The following NSUN3 variants were observed in gnomAD, a reference collection of about 807,000 sequenced individuals.
The protein encoded by NSUN3 is tRNA (cytosine(34)-C(5))-methyltransferase, mitochondrial.
NSUN3 carries 24 observed loss-of-function variants against 36.8 expected under a neutral mutation model. That is an observed-to-expected ratio of 0.65 (90% CI 0.47 to 0.92). NSUN3 has a LOEUF of 0.92. Among genes scored for constraint, NSUN3 ranks in the 40% least tolerant of loss-of-function variants. The pLI, the probability that NSUN3 is intolerant of heterozygous loss-of-function variation, is 0.00. For synonymous variants in NSUN3, 146 were observed against 145.2 expected (o/e 1.01, Z -0.04); for missense variants, 381 against 392.8 (o/e 0.97, Z 0.25).
chr3:94,065,454 TGAG>T (rs1349775513), intron 2 of NSUN3, among the ~76,000 whole-genome samples: 4 of 152,130 alleles, frequency 2.6e-5, no homozygotes, highest in African/African-American at 9.7e-5. Context: ...ACATGTTGCA[TGAG>T]GAAAAAAAGT....
chr3:94,069,421 C>G (rs747770424), intron 2 of NSUN3, among the ~76,000 whole-genome samples: 1 of 152,178 alleles, frequency 6.6e-6, no homozygotes, highest in Non-Finnish European at 1.5e-5. Flanking sequence ...TGAGCACCCT[C>G]TAGTGGATAA....
intron 2 of NSUN3, among the ~76,000 whole-genome samples, chr3:94,072,717 A>C (rs2077228966): frequency 6.6e-6 from 1 of 152,100 alleles, no homozygotes; most frequent in African/African-American, 2.4e-5. Context: ...CGTTTGTTCT[A>C]TTTAGGCCTT....
chr3:94,105,767 G>T (rs769719049), intron 5 of NSUN3, among the ~76,000 whole-genome samples: 1 of 151,582 alleles, frequency 6.6e-6, no homozygotes, highest in Non-Finnish European at 1.5e-5. Flanking sequence ...ACACACACAC[G>T]GTTTGAATAA....
chr3:94,074,566 A>T (rs1329017434), intron 2 of NSUN3, among the ~76,000 whole-genome samples: 1 of 152,092 alleles, frequency 6.6e-6, no homozygotes, highest in African/African-American at 2.4e-5. Flanking sequence ...CTTAGTAGCA[A>T]TTGTGGATGG....
At position 94,126,317 on chromosome 3, in the gene NSUN3, G is replaced by A. The variant is rs773569357; in HGVS notation, c.850G>A (p.Gly284Ser). The part of the protein sequence containing the change: ...DVISEILNSH[G>S]NIMPMDIKGI... ...GATCAGTGAAATTTTAAACTCCCACGGTAACATCATGCCTATGGACATTAA... is the reference window on the plus strand; with the variant it reads ...GATCAGTGAAATTTTAAACTCCCACAGTAACATCATGCCTATGGACATTAA... The change falls in exon 6 of 6, where the codon GGT (glycine) becomes AGT (serine). Residue 284 changes from glycine (G) to serine (S), a missense_variant. Physicochemically the swap from Gly to Ser is moderately conservative, Grantham distance 56. Coordinates refer to ENST00000314622, the MANE Select transcript of NSUN3 (RefSeq NM_022072.5). 37 of 1,613,916 alleles carry A rather than the reference G, an allele frequency of 2.3e-5. No homozygotes were observed. The highest frequency in any genetic ancestry group is 2.7e-5 in the Non-Finnish European group (32 of 1,180,016).
chr3:94,119,926 G>A (rs2077454604), intron 5 of NSUN3, among the ~76,000 whole-genome samples: 1 of 152,230 alleles, frequency 6.6e-6, no homozygotes, highest in African/African-American at 2.4e-5. Context: ...ATTAATGTGG[G>A]CAGTTAAGTT....
In NSUN3 at chr3:94,130,627, C is replaced by T. The variant is rs530504337; in HGVS notation, c.*4137C>T. 6.6e-6 allele frequency among the ~76,000 whole-genome samples: 1 copy of T among 152,292 alleles called. No homozygotes were observed. Among genetic ancestry groups the T allele is most frequent in the South Asian group, 2.1e-4 (1 of 4,826 alleles). On this transcript the variant is annotated 3_prime_UTR_variant, in exon 6 of 6. Transcript: ENST00000314622. ...CTCAGAACATGTCTTTCTGCATGGCCTCCTCATCCCCATCCCAGGGGAGAA... is the reference window on the plus strand; with the variant it reads ...CTCAGAACATGTCTTTCTGCATGGCTTCCTCATCCCCATCCCAGGGGAGAA...
intron 5 of NSUN3, among the ~76,000 whole-genome samples, chr3:94,108,786 C>T (rs1375394671): frequency 1.3e-5 from 2 of 152,172 alleles, no homozygotes; most frequent in Non-Finnish European, 2.9e-5. Flanking sequence ...CTGCCTCAGC[C>T]TCCCAAGTAG....
Position 94,084,313 on chromosome 3 carries a change from T to C in NSUN3, c.329T>C (p.Leu110Pro). Residue 110 changes from leucine (L) to proline (P), a missense_variant, in exon 3 of 6, where the codon CTG becomes CCG. Leu to Pro is a moderately conservative substitution (Grantham distance 98). Coordinates refer to ENST00000314622, the MANE Select transcript of NSUN3 (RefSeq NM_022072.5). ...IPSERHQIGNLKKYYLLNAAS... is the reference protein window; with the variant it reads ...IPSERHQIGNPKKYYLLNAAS... ...TCAGAAAGACACCAAATTGGAAACC[T>C]GAAAAAATATTATCTCCTAAATGCT... The C allele has an allele frequency of 6.2e-7, 1 of 1,614,096 alleles. No individual in the cohort carries two copies. The highest frequency in any genetic ancestry group is 8.5e-7 in the Non-Finnish European group (1 of 1,179,992).
chr3:94,078,469 T>G (rs1390680278), intron 2 of NSUN3, among the ~76,000 whole-genome samples: 1 of 152,208 alleles, frequency 6.6e-6, no homozygotes, highest in East Asian at 1.9e-4. Flanking sequence ...GGTCCAGAGC[T>G]GAGTTCAAGT....
chr3:94,085,537 G>A (rs1294906874), intron 3 of NSUN3, among the ~76,000 whole-genome samples: 7 of 152,088 alleles, frequency 4.6e-5, no homozygotes, highest in Non-Finnish European at 4.4e-5. Context: ...CAGGCGGATC[G>A]CTTGAGCTCA....
chr3:94,105,106 TAA>T (rs1395786571), intron 5 of NSUN3, among the ~76,000 whole-genome samples: 2 of 152,228 alleles, frequency 1.3e-5, no homozygotes, highest in Non-Finnish European at 2.9e-5. Flanking sequence ...TCAAGATTTC[TAA>T]AGAGTGACCA....
At chr3:94,121,824 A>T (rs2077463377) in intron 5 of NSUN3, among the ~76,000 whole-genome samples, 1 of 152,208 alleles carries the variant, frequency 6.6e-6, no homozygotes, top group Admixed American at 6.6e-5. Context: ...TAGAGAGGTT[A>T]TCCCTTAACA....
intron 2 of NSUN3, among the ~76,000 whole-genome samples, chr3:94,073,647 G>A (rs1159230214): frequency 6.6e-6 from 1 of 151,824 alleles, no homozygotes. Flanking sequence ...TTTTGATGAG[G>A]TTGTTTTTTT....
At chr3:94,084,683 G>C (rs1245424691) in intron 3 of NSUN3, 1 of 420,962 alleles carries the variant, frequency 2.4e-6, no homozygotes, top group Non-Finnish European at 4.2e-6. Flanking sequence ...TCAACATTTC[G>C]CAAATACAAA....
chr3:94,113,153 C>T lies in NSUN3; in HGVS notation c.744-13058C>T, dbSNP rs542789342. ...TGCTGGGATTACAGGTGTGAGCCAC[C>T]GCACCCGGCCCAAGAATAACCAAAC... On this transcript the variant is annotated intron_variant, in intron 5 of 5. Transcript: ENST00000314622. Among the ~76,000 whole-genome samples, 14 of 152,182 alleles carry T rather than the reference C, an allele frequency of 9.2e-5. 1 individual carries two copies. Among genetic ancestry groups the T allele is most frequent in the Non-Finnish European group, 1.8e-4 (12 of 68,000 alleles).
At chr3:94,120,314 G>A (rs1008735521) in intron 5 of NSUN3, among the ~76,000 whole-genome samples, 4 of 152,160 alleles carry the variant, frequency 2.6e-5, no homozygotes, top group Middle Eastern at 3.4e-3. Flanking sequence ...ATTTTTAAGT[G>A]TACAGTTCAA....
intron 3 of NSUN3, 123 bp from the exon 4 acceptor site, chr3:94,094,017 C>T: frequency 5.9e-6 from 4 of 679,408 alleles, no homozygotes; most frequent in South Asian, 2.1e-5. Context: ...TAATGTTTAC[C>T]TCTGAGCCCT....
At chr3:94,076,020 C>G in intron 2 of NSUN3, 1 of 1,608,666 alleles carries the variant, frequency 6.2e-7, no homozygotes, top group South Asian at 1.1e-5. Flanking sequence ...GAACAAATCA[C>G]CCAAGGTTCA....
Sources: gnomAD v4.1 joint callset for allele counts (sites outside exome capture counted in the v4.1 genomes callset) on GRCh38, gnomAD v4.1.1 for gene constraint, MANE v1.5 for transcripts, NCBI Gene and HGNC (gene_info 2026-07-23, HGNC 2026-07-21) for gene names.